The following TYRP1 variants were observed in gnomAD, a reference collection of about 807,000 sequenced individuals.
TYRP1 encodes 5,6-dihydroxyindole-2-carboxylic acid oxidase.
A neutral mutation model predicts 42.8 loss-of-function variants in TYRP1; 49 were observed. The observed-to-expected ratio is 1.14, with a 90% CI of 0.91 to 1.45. The LOEUF (loss-of-function observed/expected upper bound fraction) is 1.45, where lower values mean the gene tolerates loss of function less well. TYRP1 is among the 40% of genes most tolerant of loss of function. The pLI, the probability that TYRP1 is intolerant of heterozygous loss-of-function variation, is 0.00. For synonymous variants in TYRP1, 279 were observed against 235.4 expected (o/e 1.19, Z -1.69); for missense variants, 848 against 662.0 (o/e 1.28, Z -3.08).
In TYRP1 at chr9:12,709,628, C is replaced by T. The variant is rs1818325023; in HGVS notation, c.*446C>T. On this transcript the variant is annotated 3_prime_UTR_variant, in exon 8 of 8. Transcript: ENST00000388918. ...TATTTGTCAACAGATTTAAAGAAAACCACAGTTATTAATTAAAGAAAATTA... is the reference window on the plus strand; with the variant it reads ...TATTTGTCAACAGATTTAAAGAAAATCACAGTTATTAATTAAAGAAAATTA... The T allele has an allele frequency of 6.1e-6, 1 of 162,606 alleles. No homozygotes were observed. Among genetic ancestry groups the T allele is most frequent in the Admixed American group, 5.9e-5 (1 of 16,914 alleles). The allele number at this position is 162,606 out of a possible 1,614,324, so 10.1% of individuals were successfully genotyped here.
chr9:12,707,940 T>C lies in TYRP1; in HGVS notation c.1262-57T>C, dbSNP rs998214985. The C allele has an allele frequency of 1.3e-5, 19 of 1,517,452 alleles. No homozygotes were observed. In the East Asian group the frequency reaches 4.4e-4, roughly 35 times the overall value. The allele number at this position is 1,517,452 out of a possible 1,614,324, so 94.0% of individuals were successfully genotyped here. On this transcript the variant is annotated intron_variant, in intron 6 of 7. Coordinates refer to ENST00000388918, the MANE Select transcript of TYRP1 (RefSeq NM_000550.3). The stretch of plus-strand genomic sequence containing the variant: ...ATTGGATGCCTTTAGAACTCAATAA[T>C]GATAGGAATATTAATTTTATTATGT...
Position 12,698,486 on chromosome 9 carries a change from C to A in TYRP1, c.744C>A (p.Tyr248Ter). Reference sequence around the variant, plus strand: ...AAGAGCCTTCTTTCTCCCTTCCTTACTGGAATTTTGCAACGGGGAAAAATG... The same window carrying A: ...AAGAGCCTTCTTTCTCCCTTCCTTAATGGAATTTTGCAACGGGGAAAAATG... ...MLQEPSFSLP[Y>*]WNFATGKNVC... Residue 248 changes from tyrosine to a stop codon, truncating the protein, a stop_gained, in exon 4 of 8, where the codon TAC (tyrosine) becomes TAA (stop). Transcript: ENST00000388918. LOFTEE classifies it high-confidence loss of function. 1 of 1,613,750 alleles carries A rather than the reference C, an allele frequency of 6.2e-7. No homozygotes were observed.
Position 12,694,230 on chromosome 9 carries a change from G to T in TYRP1, c.234G>T (p.Gln78His), listed in dbSNP as rs576897854. Residue 78 changes from glutamine to histidine, a missense_variant, in exon 2 of 8, where the codon CAG becomes CAT. By Grantham distance (24) the Gln-to-His change is conservative. Transcript: ENST00000388918. ...CAGACTCCCGGCCCCACAGCCCTCAGTATCCCCATGATGGCAGAGATGATC... is the reference window on the plus strand; with the variant it reads ...CAGACTCCCGGCCCCACAGCCCTCATTATCCCCATGATGGCAGAGATGATC... The part of the protein sequence containing the change: ...VTADSRPHSP[Q>H]YPHDGRDDRE... 2.1e-5 allele frequency: 34 copies of T among 1,613,686 alleles called. No homozygotes were observed. Among genetic ancestry groups the T allele is most frequent in the Non-Finnish European group, 2.8e-5 (33 of 1,179,920 alleles).
chr9:12,707,775 C>G lies in TYRP1; in HGVS notation c.1262-222C>G, dbSNP rs966814977. On this transcript the variant is annotated intron_variant, in intron 6 of 7. Coordinates refer to ENST00000388918, the MANE Select transcript of TYRP1 (RefSeq NM_000550.3). ...ACTAAAACTCCCCTGCTTTTAAACT[C>G]TCTTTTTTATTAAGTGGTATATTGG... is the stretch of plus-strand genomic sequence containing the variant. 14 of 433,602 alleles carry G rather than the reference C, an allele frequency of 3.2e-5. No individual in the cohort carries two copies. In the Admixed American group the frequency reaches 4.5e-4, roughly 14 times the overall value. The allele number at this position is 433,602 out of a possible 1,614,324, so 26.9% of individuals were successfully genotyped here. A position where few individuals can be genotyped will look rare whatever the true frequency, so the allele number is the denominator to read the frequency against.
chr9:12,695,874 A>G (rs1305087996), intron 3 of TYRP1, 37 bp downstream of exon 3: 2 of 1,596,186 alleles, frequency 1.3e-6, no homozygotes, highest in Non-Finnish European at 1.7e-6. Context: ...GACTCTTTAC[A>G]GACAAGATGC....
chr9:12,704,756 G>C (rs776322445), intron 6 of TYRP1, 51 bp downstream of exon 6: 2 of 1,563,170 alleles, frequency 1.3e-6, no homozygotes, highest in Non-Finnish European at 1.8e-6. Flanking sequence ...GGATTGTTTA[G>C]ATGGCATAGT....
chr9:12,702,427 A>T lies in TYRP1; in HGVS notation c.1070A>T (p.Asn357Ile). ...TCCAACTCTACAAACAGTTTCCGAA[A>T]CACAGTGGAAGGCAAGTAAATGAAA... ...FYSNSTNSFR[N>I]TVEGYSDPTG... Residue 357 changes from asparagine (N) to isoleucine (I), a missense_variant, in exon 5 of 8, where the codon AAC becomes ATC. Asn to Ile is a moderately radical substitution (Grantham distance 149). Transcript: ENST00000388918. The T allele has an allele frequency of 6.2e-7, 1 of 1,612,810 alleles. No homozygotes were observed. Among genetic ancestry groups the T allele is most frequent in the Non-Finnish European group, 8.5e-7 (1 of 1,179,234 alleles).
intron 3 of TYRP1, 38 bp downstream of exon 3, chr9:12,695,875 G>C (rs1371107611): frequency 6.3e-7 from 1 of 1,586,992 alleles, no homozygotes; most frequent in Non-Finnish European, 8.6e-7. Context: ...ACTCTTTACA[G>C]ACAAGATGCC....
In TYRP1 at chr9:12,704,711, A is replaced by G; in HGVS notation, c.1261+6A>G. 1 of 1,612,422 alleles carries G rather than the reference A, an allele frequency of 6.2e-7. No individual in the cohort carries two copies. Among genetic ancestry groups the G allele is most frequent in the South Asian group, 1.1e-5 (1 of 91,074 alleles). On this transcript the variant is annotated splice_donor_region_variant and intron_variant, in intron 6 of 7. Coordinates refer to ENST00000388918, the MANE Select transcript of TYRP1 (RefSeq NM_000550.3). ...GCTGAGGAGATACAATGCTGGTAAG[A>G]CATTTTCATATGCCTTTTGCATGCT...
Position 12,709,382 on chromosome 9 carries a change from C to G in TYRP1, c.*200C>G, listed in dbSNP as rs1818319433. On this transcript the variant is annotated 3_prime_UTR_variant, in exon 8 of 8. Transcript: ENST00000388918. ...TTTCAATGGGTTTTAATTTTCAGTT[C>G]TATTTAAAATGGTGAATGACACTAA... is the stretch of plus-strand genomic sequence containing the variant. 1.2e-5 allele frequency: 7 copies of G among 593,596 alleles called. No individual in the cohort carries two copies. The highest frequency in any genetic ancestry group is 2.1e-5 in the Non-Finnish European group (7 of 335,718). 36.8% of individuals were successfully genotyped at this position (593,596 alleles called of 1,614,324 possible).
At position 12,709,092 on chromosome 9, in the gene TYRP1, T is replaced by A; in HGVS notation, c.1524T>A (p.Asp508Glu). The A allele has an allele frequency of 1.2e-5, 19 of 1,612,874 alleles. No individual in the cohort carries two copies. The highest frequency in any genetic ancestry group is 1.5e-5 in the Non-Finnish European group (18 of 1,179,248). Residue 508 changes from aspartate (D) to glutamate (E), a missense_variant, in exon 8 of 8, where the codon GAT (aspartate) becomes GAA (glutamate). Asp to Glu is a conservative substitution (Grantham distance 45). Coordinates refer to ENST00000388918, the MANE Select transcript of TYRP1 (RefSeq NM_000550.3). ...SYLIRARRSM[D>E]EANQPLLTDQ... is the part of the protein sequence containing the mutation. ...TGATTCGTGCCAGACGCAGTATGGA[T>A]GAAGCTAACCAGCCTCTCCTCACTG...
At chr9:12,701,360 C>A (rs903089371) in intron 4 of TYRP1, among the ~76,000 whole-genome samples, 3 of 151,882 alleles carry the variant, frequency 2.0e-5, no homozygotes, top group African/African-American at 7.2e-5. Flanking sequence ...TGATCTTTTC[C>A]ATATAATGAC....
chr9:12,706,728 A>C lies in TYRP1; in HGVS notation c.1262-1269A>C, dbSNP rs141852272. 2.3e-3 allele frequency among the ~76,000 whole-genome samples: 349 copies of C among 152,146 alleles called. 1 individual carries two copies. Among genetic ancestry groups the C allele is most frequent in the Non-Finnish European group, 4.0e-3 (270 of 67,956 alleles). On this transcript the variant is annotated intron_variant, in intron 6 of 7. Coordinates refer to ENST00000388918, the MANE Select transcript of TYRP1 (RefSeq NM_000550.3). ...TACCTGCAAATACGTTTTAGAAATC[A>C]GTGTCATAAAACAACTGTGAAGAAG...
In TYRP1 at chr9:12,702,078, C is replaced by A. The variant is rs552208436; in HGVS notation, c.914-193C>A. Among the ~76,000 whole-genome samples the A allele has an allele frequency of 1.8e-3, 280 of 152,034 alleles. 1 individual carries two copies. Among genetic ancestry groups the A allele is most frequent in the African/African-American group, 6.4e-3 (267 of 41,500 alleles). On this transcript the variant is annotated intron_variant, in intron 4 of 7. Transcript: ENST00000388918. ...GATACTTTTATGTATCTCATATCTA[C>A]TTGATTCAAAGAAATGGGACATGGT...
chr9:12,704,119 T>C (rs1277897981), intron 5 of TYRP1, among the ~76,000 whole-genome samples: 1 of 151,996 alleles, frequency 6.6e-6, no homozygotes, highest in East Asian at 1.9e-4. Context: ...TGAAGTAACA[T>C]CTGGCAACTT....
At chr9:12,708,482 A>T (rs1818297864) in intron 7 of TYRP1, among the ~76,000 whole-genome samples, 1 of 151,928 alleles carries the variant, frequency 6.6e-6, no homozygotes. Flanking sequence ...AATGAGTTTG[A>T]GCTTAGGCCC....
intron 3 of TYRP1, among the ~76,000 whole-genome samples, chr9:12,697,692 C>T (rs74606098): frequency 0.043 from 6,550 of 152,040 alleles, 187 homozygotes; most frequent in Non-Finnish European, 0.062. Flanking sequence ...TTTAAAGAAC[C>T]GAATGAAATA....
intron 2 of TYRP1, among the ~76,000 whole-genome samples, chr9:12,695,088 A>T (rs1818054780): frequency 6.6e-6 from 1 of 152,228 alleles, no homozygotes; most frequent in Admixed American, 6.5e-5. Flanking sequence ...AATGATTAAA[A>T]AAAAACTAAG....
At chr9:12,705,544 T>C (rs1043230154) in intron 6 of TYRP1, among the ~76,000 whole-genome samples, 12 of 152,160 alleles carry the variant, frequency 7.9e-5, no homozygotes, top group Non-Finnish European at 1.2e-4. Context: ...TGAAAATAGT[T>C]TGTTCCATCA....
Sources: allele counts gnomAD v4.1 joint callset (sites outside exome capture counted in the v4.1 genomes callset), GRCh38; gene constraint gnomAD v4.1.1; transcripts MANE v1.5; gene names NCBI Gene and HGNC (gene_info 2026-07-23, HGNC 2026-07-21).